The following EGFR variants were observed in gnomAD, a reference collection of about 807,000 sequenced individuals.
The protein encoded by EGFR is avian erythroblastic leukemia viral (v-erb-b) oncogene homolog.
In EGFR, 58 loss-of-function variants were observed where a neutral mutation model predicts 143.0. The observed-to-expected ratio is 0.41, with a 90% confidence interval of 0.33 to 0.50. EGFR has a LOEUF of 0.50. EGFR is among the 20% of genes least tolerant of loss of function. The pLI is 0.39. For missense variants in EGFR, 1,307 were observed against 1,579.0 expected (o/e 0.83, Z 2.92); for synonymous variants, 613 against 594.4 (o/e 1.03, Z -0.45).
intron 1 of EGFR, among the ~76,000 whole-genome samples, chr7:55,070,795 G>A (rs1377535452): frequency 2.0e-5 from 3 of 152,182 alleles, no homozygotes; most frequent in African/African-American, 4.8e-5. Context: ...ATTTCTATCC[G>A]TAGACAGAAC....
intron 1 of EGFR, among the ~76,000 whole-genome samples, chr7:55,120,772 C>A (rs1793153989): frequency 6.6e-6 from 1 of 152,152 alleles, no homozygotes; most frequent in Non-Finnish European, 1.5e-5. Flanking sequence ...ATTCATCGGG[C>A]TGCATATTCC....
chr7:55,153,975 AC>A, intron 6 of EGFR, 35 bp from the exon 7 acceptor site: 1 of 1,613,996 alleles, frequency 6.2e-7, no homozygotes. Flanking sequence ...GAGTGTACTT[AC>A]CTCACTTGCC....
In EGFR at chr7:55,156,740, A is replaced by C. The variant is rs1306804099; in HGVS notation, c.1134-19A>C. ...TGGTAGAGATTGGTGATCAATAATC[A>C]CCCTGTTGTTTGTTTCAGTGACTCC... On this transcript the variant is annotated intron_variant, in intron 9 of 27. Transcript: ENST00000275493. 6.2e-7 allele frequency: 1 copy of C among 1,614,064 alleles called. No individual in the cohort carries two copies.
intron 20 of EGFR, chr7:55,181,835 C>A: frequency 2.9e-6 from 1 of 348,316 alleles, no homozygotes; most frequent in Non-Finnish European, 5.5e-6. Context: ...GACTTGATAA[C>A]AAGGTAAGCA....
intron 13 of EGFR, 131 bp from the exon 14 acceptor site, chr7:55,163,601 AT>A (rs1324408922): frequency 1.9e-5 from 14 of 745,356 alleles, no homozygotes; most frequent in Non-Finnish European, 3.4e-5. Flanking sequence ...AGCTGATTAT[AT>A]TACTATATAG....
chr7:55,196,724 A>G (rs1271313030), intron 22 of EGFR, among the ~76,000 whole-genome samples: 2 of 149,798 alleles, frequency 1.3e-5, no homozygotes, highest in Non-Finnish European at 3.0e-5. Flanking sequence ...GTCCAGTTTC[A>G]ATCTTCTTCA....
Position 55,205,858 on chromosome 7 carries a change from T to G in EGFR, c.*241T>G, listed in dbSNP as rs187461906. On this transcript the variant is annotated 3_prime_UTR_variant, in exon 28 of 28. Transcript: ENST00000275493. ...AGAAACGCATCCAGCAAGAATATTG[T>G]CCCTTTGAGCAGAAATTTATCTTTC... 9.2e-5 allele frequency: 53 copies of G among 576,958 alleles called. No individual in the cohort carries two copies. The highest frequency in any genetic ancestry group is 7.4e-4 in the East Asian group (25 of 33,808). The allele number at this position is 576,958 out of a possible 1,614,324, so 35.7% of individuals were successfully genotyped here. A position where few individuals can be genotyped will look rare whatever the true frequency, so the allele number is the denominator to read the frequency against.
At chr7:55,099,411 T>C (rs1791670545) in intron 1 of EGFR, among the ~76,000 whole-genome samples, 1 of 152,218 alleles carries the variant, frequency 6.6e-6, no homozygotes, top group Non-Finnish European at 1.5e-5. Flanking sequence ...GCTGTCAGCA[T>C]TGGAAATCAG....
At chr7:55,090,673 C>T (rs1791057955) in intron 1 of EGFR, among the ~76,000 whole-genome samples, 1 of 152,172 alleles carries the variant, frequency 6.6e-6, no homozygotes, top group South Asian at 2.1e-4. Context: ...GACATACAGC[C>T]TGAGATGCCA....
At chr7:55,165,872 G>T (rs1785952609) in intron 15 of EGFR, among the ~76,000 whole-genome samples, 1 of 152,190 alleles carries the variant, frequency 6.6e-6, no homozygotes, top group Admixed American at 6.5e-5. Context: ...TTAAGCTGTT[G>T]CTACTTAAAT....
chr7:55,096,118 A>C (rs1379140394), intron 1 of EGFR, among the ~76,000 whole-genome samples: 1 of 152,214 alleles, frequency 6.6e-6, no homozygotes, highest in Non-Finnish European at 1.5e-5. Flanking sequence ...GTTTTTCTCC[A>C]CTTTTTATAG....
Position 55,205,744 on chromosome 7 carries a change from C to T in EGFR, c.*127C>T, listed in dbSNP as rs533969999. The stretch of plus-strand genomic sequence containing the variant: ...TTAGACCCACAGACTGGTTTTGCAA[C>T]GTTTACACCGACTAGCCAGGAAGTA... On this transcript the variant is annotated 3_prime_UTR_variant, in exon 28 of 28. Coordinates refer to ENST00000275493, the MANE Select transcript of EGFR (RefSeq NM_005228.5). 4.1e-5 allele frequency: 59 copies of T among 1,454,104 alleles called. No individual in the cohort carries two copies. Among genetic ancestry groups the T allele is most frequent in the South Asian group, 4.7e-5 (4 of 85,030 alleles). The allele number at this position is 1,454,104 out of a possible 1,614,324, so 90.1% of individuals were successfully genotyped here. A position where few individuals can be genotyped will look rare whatever the true frequency, so the allele number is the denominator to read the frequency against.
intron 1 of EGFR, among the ~76,000 whole-genome samples, chr7:55,055,851 T>G (rs1788781761): frequency 6.6e-6 from 1 of 152,112 alleles, no homozygotes. Flanking sequence ...GATGTTCACC[T>G]GCTTGAGGTC....
At chr7:55,162,778 A>C (rs1785772408) in intron 13 of EGFR, among the ~76,000 whole-genome samples, 1 of 152,154 alleles carries the variant, frequency 6.6e-6, no homozygotes. Context: ...AAAGGGGAGG[A>C]TGAAAGGCAC....
intron 1 of EGFR, among the ~76,000 whole-genome samples, chr7:55,027,992 ATATATATATAT>A (rs1319808838): frequency 2.0e-4 from 9 of 44,690 alleles, no homozygotes; most frequent in African/African-American, 4.2e-4. Context: ...AAAAAAAAAA[ATATATATATAT>A]ATATATATAT....
intron 1 of EGFR, among the ~76,000 whole-genome samples, chr7:55,087,479 C>T (rs753863401): frequency 2.6e-4 from 39 of 152,246 alleles, no homozygotes; most frequent in Non-Finnish European, 5.3e-4. Context: ...TTATTCTATG[C>T]ACCCGAAGGG....
chr7:55,082,479 A>T (rs1790519806), intron 1 of EGFR, among the ~76,000 whole-genome samples: 1 of 152,208 alleles, frequency 6.6e-6, no homozygotes, highest in South Asian at 2.1e-4. Flanking sequence ...GTGGCATCCA[A>T]GGCTAAAAAG....
At chr7:55,023,336 C>T (rs935770069) in intron 1 of EGFR, among the ~76,000 whole-genome samples, 1 of 152,056 alleles carries the variant, frequency 6.6e-6, no homozygotes, top group Admixed American at 6.5e-5. Flanking sequence ...ATGTTGCTTC[C>T]CTGTAAATAT....
chr7:55,180,958 A>G (rs1211173128), intron 19 of EGFR: 3 of 432,176 alleles, frequency 6.9e-6, no homozygotes, highest in African/African-American at 4.0e-5. Context: ...AGGTCTTCAT[A>G]ACAAAGATAC....
Sources: allele counts gnomAD v4.1 joint callset (sites outside exome capture counted in the v4.1 genomes callset), GRCh38; gene constraint gnomAD v4.1.1; transcripts MANE v1.5; gene names NCBI Gene and HGNC (gene_info 2026-07-23, HGNC 2026-07-21).